CORO2B: variants seen among roughly 807,000 people sequenced by gnomAD.
CORO2B encodes the protein coronin-2B.
Under a neutral mutation model 58.8 loss-of-function variants are expected in CORO2B, and 26 were observed. The ratio of observed to expected loss-of-function variants is 0.44; its 90% confidence interval spans 0.32 to 0.61. CORO2B has a LOEUF of 0.61. Among genes scored for constraint, CORO2B ranks in the 20% least tolerant of loss-of-function variants. CORO2B has a pLI of 0.04. For missense variants in CORO2B, 460 were observed against 645.1 expected (o/e 0.71, Z 3.11); for synonymous variants, 242 against 253.8 (o/e 0.95, Z 0.44).
intron 2 of CORO2B, among the ~76,000 whole-genome samples, chr15:68,665,701 GTATTA>G (rs1294012242): frequency 1.3e-5 from 2 of 151,758 alleles, no homozygotes; most frequent in African/African-American, 2.4e-5. Flanking sequence ...CTTTTTTATT[GTATTA>G]TATATCCTTT....
chr15:68,687,445 T>C (rs1313203702), intron 2 of CORO2B, among the ~76,000 whole-genome samples: 2 of 152,180 alleles, frequency 1.3e-5, no homozygotes, highest in African/African-American at 4.8e-5. Context: ...AGATAAATCC[T>C]GGACAGGGGT....
At chr15:68,546,896 G>A in the CORO2B span, among the ~76,000 whole-genome samples, 1 of 152,098 alleles carries the variant, frequency 6.6e-6, no homozygotes, top group African/African-American at 2.4e-5. Flanking sequence ...GAGCAATCAG[G>A]AGACTTTCAC....
the CORO2B span, among the ~76,000 whole-genome samples, chr15:68,533,398 G>C: frequency 3.3e-5 from 5 of 152,138 alleles, no homozygotes; most frequent in Admixed American, 3.3e-4. Flanking sequence ...TGGATTAAAA[G>C]GTTTGCAGCT....
intron 2 of CORO2B, 85 bp from the exon 3 acceptor site, chr15:68,695,055 G>T (rs1293553444): frequency 2.0e-6 from 2 of 986,778 alleles, no homozygotes; most frequent in Non-Finnish European, 3.2e-6. Flanking sequence ...CAGTTGAGAG[G>T]CCCAGAAAAA....
At chr15:68,635,246 G>A (rs1900994393) in intron 1 of CORO2B, among the ~76,000 whole-genome samples, 1 of 152,206 alleles carries the variant, frequency 6.6e-6, no homozygotes, top group African/African-American at 2.4e-5. Context: ...CAAGTTGGAG[G>A]CCATCTCTGA....
At chr15:68,537,256 A>G in the CORO2B span, among the ~76,000 whole-genome samples, 1 of 152,136 alleles carries the variant, frequency 6.6e-6, no homozygotes, top group Admixed American at 6.5e-5. Context: ...CAAGAACTAC[A>G]TTTCCCAGAG....
At chr15:68,718,943 G>T (rs2140333558) in intron 9 of CORO2B, 133 bp downstream of exon 9, 2 of 877,238 alleles carry the variant, frequency 2.3e-6, no homozygotes, top group East Asian at 2.6e-5. Context: ...CTAATTTGGG[G>T]TGAGGGGCAT....
At chr15:68,619,347 T>C (rs1481178396) in intron 1 of CORO2B, among the ~76,000 whole-genome samples, 3 of 152,210 alleles carry the variant, frequency 2.0e-5, no homozygotes, top group Non-Finnish European at 4.4e-5. Flanking sequence ...TTTAGTATGA[T>C]GCCTTAGAGA....
intron 2 of CORO2B, among the ~76,000 whole-genome samples, chr15:68,652,728 A>G (rs1901681508): frequency 6.6e-6 from 1 of 152,194 alleles, no homozygotes; most frequent in African/African-American, 2.4e-5. Context: ...TTCTATGATG[A>G]AAGTATACTC....
chr15:68,589,035 G>A (rs937086314), intron 1 of CORO2B, among the ~76,000 whole-genome samples: 3 of 152,184 alleles, frequency 2.0e-5, no homozygotes, highest in African/African-American at 7.2e-5. Context: ...CCCTGAGTCT[G>A]CCTTCCTGCC....
At chr15:68,664,777 A>C (rs1402861945) in intron 2 of CORO2B, among the ~76,000 whole-genome samples, 1 of 152,230 alleles carries the variant, frequency 6.6e-6, no homozygotes. Flanking sequence ...AATGAGGTTG[A>C]AAATATCGTC....
intron 1 of CORO2B, chr15:68,641,621 A>G (rs1265158155): frequency 1.0e-6 from 1 of 984,172 alleles, no homozygotes; most frequent in African/African-American, 1.7e-5. Context: ...TGGGCTCAGG[A>G]GAGCCTATCA....
chr15:68,565,530 A>AT, the CORO2B span, among the ~76,000 whole-genome samples: 93 of 149,526 alleles, frequency 6.2e-4, no homozygotes, highest in African/African-American at 2.1e-3. Context: ...AATAAAAATA[A>AT]ATATATATAT....
chr15:68,700,362 A>G (rs1382327406), intron 3 of CORO2B, among the ~76,000 whole-genome samples: 1 of 152,140 alleles, frequency 6.6e-6, no homozygotes, highest in East Asian at 1.9e-4. Flanking sequence ...CCAGCCCTCC[A>G]CTTCCCTCTA....
intron 2 of CORO2B, among the ~76,000 whole-genome samples, chr15:68,665,637 G>A (rs888229914): frequency 5.3e-5 from 8 of 151,826 alleles, no homozygotes; most frequent in South Asian, 2.1e-4. Flanking sequence ...CTTTTGTGGT[G>A]TATTAAAAGC....
intron 1 of CORO2B, among the ~76,000 whole-genome samples, chr15:68,611,407 T>C (rs542857283): frequency 6.6e-6 from 1 of 152,338 alleles, no homozygotes; most frequent in East Asian, 1.9e-4. Flanking sequence ...TTGTTTTTTT[T>C]CCCCTATGAC....
intron 1 of CORO2B, among the ~76,000 whole-genome samples, chr15:68,595,294 C>G (rs1003034494): frequency 6.6e-6 from 1 of 152,228 alleles, no homozygotes; most frequent in Non-Finnish European, 1.5e-5. Context: ...CCCTGCTGTC[C>G]TGTGTCCCTG....
chr15:68,711,639 T>G lies in CORO2B; in HGVS notation c.581T>G (p.Leu194Arg). Residue 194 changes from leucine to arginine, a missense_variant, in exon 5 of 12, where the codon CTG becomes CGG. Leu to Arg is a moderately radical substitution (Grantham distance 102). This residue lies in a region of CORO2B where 352 missense variants were observed against 543.0 expected (regional missense o/e 0.65). Coordinates refer to ENST00000261861, the MANE Select transcript of CORO2B (RefSeq NM_006091.5). Reference sequence around the variant, plus strand: ...ATGTCCTTCAACACGGACGGCAGCCTGCTCACCACCACGTGCAAGGACAAG... The same window carrying G: ...ATGTCCTTCAACACGGACGGCAGCCGGCTCACCACCACGTGCAAGGACAAG... ...LCMSFNTDGSLLTTTCKDKKL... is the reference protein window; with the variant it reads ...LCMSFNTDGSRLTTTCKDKKL... 6.2e-7 allele frequency: 1 copy of G among 1,614,128 alleles called. No homozygotes were observed. The highest frequency in any genetic ancestry group is 1.6e-4 in the Middle Eastern group (1 of 6,062).
intron 1 of CORO2B, among the ~76,000 whole-genome samples, chr15:68,621,277 A>G (rs1469865000): frequency 1.3e-5 from 2 of 152,224 alleles, no homozygotes; most frequent in Non-Finnish European, 2.9e-5. Flanking sequence ...CATGGGACTC[A>G]GTCTGCTAGG....
Sources: allele counts gnomAD v4.1 joint callset (sites outside exome capture counted in the v4.1 genomes callset), GRCh38; gene constraint gnomAD v4.1.1; regional missense constraint gnomAD v4.1.1; transcripts MANE v1.5; gene names NCBI Gene and HGNC (gene_info 2026-07-23, HGNC 2026-07-21).